Variants in CHD7 observed in about 807,000 individuals in gnomAD.
CHD7 encodes the protein ATP-dependent chromatin remodeler CHD7.
CHD7 carries 24 observed loss-of-function variants against 307.3 expected under a neutral mutation model. The observed-to-expected ratio is 0.08, with a 90% CI of 0.06 to 0.11. CHD7 has a LOEUF of 0.11. Ranked by LOEUF, CHD7 falls within the 10% of genes least tolerant of loss-of-function variation. CHD7 has a pLI of 1.00. For synonymous variants in CHD7, 1,363 were observed against 1,349.9 expected (o/e 1.01, Z -0.21); for missense variants, 3,106 against 3,727.1 (o/e 0.83, Z 4.34).
intron 1 of CHD7, among the ~76,000 whole-genome samples, chr8:60,717,727 T>A (rs549417458): frequency 2.7e-5 from 2 of 74,940 alleles, no homozygotes; most frequent in South Asian, 1.9e-3. Context: ...GCTGAAAAAT[T>A]CCATTGTCCA....
At chr8:60,734,026 G>A (rs1394769885) in intron 1 of CHD7, among the ~76,000 whole-genome samples, 1 of 152,104 alleles carries the variant, frequency 6.6e-6, no homozygotes, top group South Asian at 2.1e-4. Context: ...TTGTCACTAA[G>A]GGCTGTTCAT....
intron 7 of CHD7, among the ~76,000 whole-genome samples, chr8:60,816,095 T>TTATC (rs1803722965): frequency 7.1e-6 from 1 of 140,494 alleles, no homozygotes; most frequent in Non-Finnish European, 1.5e-5. Flanking sequence ...TCTGTCTCTT[T>TTATC]TGTCTGTCTG....
At chr8:60,851,998 A>C in intron 28 of CHD7, 21 bp from the exon 29 acceptor site, 1 of 1,560,184 alleles carries the variant, frequency 6.4e-7, no homozygotes. Flanking sequence ...ACATTTCAAA[A>C]ATGTTTTTCC....
chr8:60,862,208 G>A lies in CHD7; in HGVS notation c.7843G>A (p.Val2615Met), dbSNP rs1202295047. 1 of 1,609,868 alleles carries A rather than the reference G, an allele frequency of 6.2e-7. No homozygotes were observed. The highest frequency in any genetic ancestry group is 8.5e-7 in the Non-Finnish European group (1 of 1,177,812). ...TTTTCTTTTGCAGAAGAATGCAGATGTGCTGTTTTCCTCATTTCAGAAACC... is the reference window on the plus strand; with the variant it reads ...TTTTCTTTTGCAGAAGAATGCAGATATGCTGTTTTCCTCATTTCAGAAACC... ...MPSYVPKNADVLFSSFQKPKQ... is the reference protein window; with the variant it reads ...MPSYVPKNADMLFSSFQKPKQ... The change falls in exon 36 of 38, where the codon GTG becomes ATG. Residue 2615 changes from valine (V) to methionine (M), a missense_variant. Val to Met is a conservative substitution (Grantham distance 21). Around this residue, in one of 10 missense-constraint regions of CHD7, gnomAD observed 1,030 missense variants for 1,165.4 expected, o/e 0.88. Transcript: ENST00000423902.
At chr8:60,750,308 A>G (rs1270819342) in intron 2 of CHD7, among the ~76,000 whole-genome samples, 4 of 152,194 alleles carry the variant, frequency 2.6e-5, no homozygotes, top group African/African-American at 9.6e-5. Context: ...TGAAAGAAAT[A>G]CTTATTTAGT....
chr8:60,686,977 C>G (rs192997698), intron 1 of CHD7, among the ~76,000 whole-genome samples: 37 of 152,282 alleles, frequency 2.4e-4, no homozygotes, highest in African/African-American at 8.9e-4. Context: ...GATGGGGTCT[C>G]ACAATACTGT....
intron 2 of CHD7, among the ~76,000 whole-genome samples, chr8:60,769,935 A>G (rs747798794): frequency 5.3e-5 from 8 of 152,254 alleles, no homozygotes; most frequent in Non-Finnish European, 1.0e-4. Flanking sequence ...AACTTCAAGA[A>G]CACACTGGAA....
intron 1 of CHD7, among the ~76,000 whole-genome samples, chr8:60,695,430 A>C (rs143112531): frequency 8.4e-4 from 128 of 152,368 alleles, no homozygotes; most frequent in East Asian, 5.4e-3. Flanking sequence ...TTATACTTTC[A>C]GAATCAAAAT....
At chr8:60,719,543 G>A (rs919845176) in intron 1 of CHD7, among the ~76,000 whole-genome samples, 1 of 152,082 alleles carries the variant, frequency 6.6e-6, no homozygotes, top group Admixed American at 6.5e-5. Context: ...AGTTTGTCTT[G>A]CCATGAATTA....
intron 1 of CHD7, among the ~76,000 whole-genome samples, chr8:60,707,234 A>G (rs1025063467): frequency 3.3e-5 from 5 of 152,222 alleles, no homozygotes; most frequent in African/African-American, 4.8e-5. Flanking sequence ...TCATGCATCC[A>G]CAGAGGCTGA....
At chr8:60,837,959 ACTTTC>A in intron 18 of CHD7, 112 bp from the exon 19 acceptor site, 2 of 1,264,298 alleles carry the variant, frequency 1.6e-6, no homozygotes, top group African/African-American at 1.5e-5. Flanking sequence ...ATTTTGTAAC[ACTTTC>A]CTTTGTTATA....
chr8:60,849,389 A>G (rs1475493758), intron 25 of CHD7, among the ~76,000 whole-genome samples: 2 of 152,220 alleles, frequency 1.3e-5, no homozygotes, highest in Non-Finnish European at 2.9e-5. Context: ...CTGTAAATAA[A>G]ACCCAAACCA....
intron 13 of CHD7, among the ~76,000 whole-genome samples, chr8:60,826,296 T>C (rs1012207724): frequency 6.6e-6 from 1 of 152,158 alleles, no homozygotes; most frequent in African/African-American, 2.4e-5. Context: ...ATGAACAAAA[T>C]ATTTATTTTT....
intron 6 of CHD7, among the ~76,000 whole-genome samples, chr8:60,807,527 A>G (rs372117639): frequency 2.0e-5 from 3 of 152,168 alleles, no homozygotes; most frequent in African/African-American, 7.2e-5. Flanking sequence ...ACTACTGAAA[A>G]CTCTTGATTT....
At chr8:60,800,013 C>T (rs913041486) in intron 4 of CHD7, among the ~76,000 whole-genome samples, 7 of 151,872 alleles carry the variant, frequency 4.6e-5, no homozygotes, top group East Asian at 1.9e-4. Flanking sequence ...TTCCACTCTG[C>T]GCCATTATAA....
rs183761594 is a variant in CHD7, at chr8:60,741,841, T to G, written c.409T>G (p.Ser137Ala). The G allele has an allele frequency of 2.1e-5, 34 of 1,613,822 alleles. No homozygotes were observed. The East Asian group carries it at 6.9e-4, about 33-fold the overall frequency. ...CATGCAGAATGAGAGGCATGGGCAA[T>G]CCTTTGTGGACAGCAGCTCCATGTG... is the stretch of plus-strand genomic sequence containing the variant. ...PGMQNERHGQ[S>A]FVDSSSMWGP... is the part of the protein sequence containing the mutation. The change falls in exon 2 of 38, where the codon TCC becomes GCC. Residue 137 changes from serine to alanine, a missense_variant. Ser to Ala is a moderately conservative substitution (Grantham distance 99). This residue lies in a region of CHD7 where 998 missense variants were observed against 1,004.5 expected (regional missense o/e 0.99). Coordinates refer to ENST00000423902, the MANE Select transcript of CHD7 (RefSeq NM_017780.4).
chr8:60,777,226 T>C (rs1810993774), intron 2 of CHD7, among the ~76,000 whole-genome samples: 1 of 151,554 alleles, frequency 6.6e-6, no homozygotes, highest in Non-Finnish European at 1.5e-5. Context: ...TAAATAAACA[T>C]GTAAATAAAT....
At chr8:60,820,908 A>G (rs183045114) in intron 9 of CHD7, among the ~76,000 whole-genome samples, 1 of 152,294 alleles carries the variant, frequency 6.6e-6, no homozygotes, top group East Asian at 1.9e-4. Context: ...TTTACATTGT[A>G]CAGGAAATAT....
intron 15 of CHD7, among the ~76,000 whole-genome samples, chr8:60,831,965 A>G (rs1804537427): frequency 6.6e-6 from 1 of 152,172 alleles, no homozygotes; most frequent in Non-Finnish European, 1.5e-5. Context: ...AGAGTGTTGC[A>G]CCTGGGATCA....
Sources: allele counts gnomAD v4.1 joint callset (sites outside exome capture counted in the v4.1 genomes callset), GRCh38; gene constraint gnomAD v4.1.1; regional missense constraint gnomAD v4.1.1; transcripts MANE v1.5; gene names NCBI Gene and HGNC (gene_info 2026-07-23, HGNC 2026-07-21).